Variants in INTS7 observed in about 807,000 individuals in gnomAD.
The protein encoded by INTS7 is integrator complex subunit 7.
Under a neutral mutation model 109.2 loss-of-function variants are expected in INTS7, and 46 were observed. The ratio of observed to expected loss-of-function variants is 0.42; its 90% CI spans 0.33 to 0.54. INTS7 has a LOEUF of 0.54. Among genes scored for constraint, INTS7 ranks in the 20% least tolerant of loss-of-function variants. INTS7 has a pLI of 0.07. For synonymous variants in INTS7, 412 were observed against 402.9 expected (o/e 1.02, Z -0.27); for missense variants, 929 against 1,132.4 (o/e 0.82, Z 2.58).
At chr1:212,017,344 T>C (rs1033244997) in intron 3 of INTS7, among the ~76,000 whole-genome samples, 3 of 152,246 alleles carry the variant, frequency 2.0e-5, no homozygotes, top group African/African-American at 4.8e-5. Flanking sequence ...TTTTCCAATG[T>C]TGCATAAAGA....
intron 10 of INTS7, among the ~76,000 whole-genome samples, chr1:211,980,197 T>A (rs1265671733): frequency 1.3e-5 from 2 of 152,206 alleles, no homozygotes; most frequent in African/African-American, 2.4e-5. Context: ...TACTTCTTAT[T>A]AGCTGTCACT....
At chr1:211,996,663 A>T (rs1665405273) in intron 7 of INTS7, among the ~76,000 whole-genome samples, 2 of 152,240 alleles carry the variant, frequency 1.3e-5, no homozygotes, top group Admixed American at 1.3e-4. Context: ...TTACAGTAGC[A>T]TTAAGACCAT....
intron 1 of INTS7, among the ~76,000 whole-genome samples, chr1:212,021,993 G>A (rs1383438764): frequency 6.6e-6 from 1 of 152,118 alleles, no homozygotes; most frequent in African/African-American, 2.4e-5. Flanking sequence ...TAACATTGAA[G>A]GTTTATATCA....
chr1:211,966,431 T>C lies in INTS7; in HGVS notation c.2182A>G (p.Ser728Gly), dbSNP rs1434108021. 1 of 1,547,078 alleles carries C rather than the reference T, an allele frequency of 6.5e-7. No homozygotes were observed. Among genetic ancestry groups the C allele is most frequent in the Non-Finnish European group, 8.9e-7 (1 of 1,119,872 alleles). The change falls in exon 16 of 20, where the codon AGT (serine) becomes GGT (glycine). Residue 728 changes from serine (S) to glycine (G), a missense_variant and splice_region_variant. This residue lies in a region of INTS7 where 787 missense variants were observed against 901.1 expected (regional missense o/e 0.87). Coordinates refer to ENST00000366994, the MANE Select transcript of INTS7 (RefSeq NM_015434.4). ...EALILDPESA[S>G]FQEYGSTGTA... ...AACTATTATTAATATTAGAATTACCTTGCTGATTCTGGATCCAAAATCAGG... is the reference window on the plus strand; with the variant it reads ...AACTATTATTAATATTAGAATTACCCTGCTGATTCTGGATCCAAAATCAGG...
intron 12 of INTS7, 27 bp from the exon 13 acceptor site, chr1:211,975,399 A>G: frequency 6.4e-7 from 1 of 1,563,806 alleles, no homozygotes; most frequent in Non-Finnish European, 8.8e-7. Flanking sequence ...AAAAGAAAAA[A>G]GAATAGAAGG....
At chr1:211,969,644 T>C (rs1160825422) in intron 13 of INTS7, among the ~76,000 whole-genome samples, 1 of 148,182 alleles carries the variant, frequency 6.7e-6, no homozygotes, top group East Asian at 2.0e-4. Context: ...CAGCCTCAAC[T>C]TCCTGGGCTC....
rs182874501 is a variant in INTS7, at chr1:211,952,447, T to C, written c.2316+122A>G. On this transcript the variant is annotated intron_variant, in intron 17 of 19. Transcript: ENST00000366994. ...TGCTGTGAGGTAGGTATTAACCCTG[T>C]TTTATGGATAAGGAAACAGGCACAG... 187 of 982,758 alleles carry C rather than the reference T, an allele frequency of 1.9e-4. No individual in the cohort carries two copies. The African/African-American group carries it at 2.9e-3, about 15-fold the overall frequency. The allele number at this position is 982,758 out of a possible 1,614,324, so 60.9% of individuals were successfully genotyped here.
chr1:212,011,459 A>G (rs752525437), intron 4 of INTS7, 38 bp from the exon 5 acceptor site: 4 of 1,277,938 alleles, frequency 3.1e-6, no homozygotes, highest in African/African-American at 1.5e-5. Flanking sequence ...AAAAACTTAC[A>G]TTTGCTTATA....
intron 7 of INTS7, among the ~76,000 whole-genome samples, chr1:212,001,544 G>A (rs1665671825): frequency 6.6e-6 from 1 of 152,168 alleles, no homozygotes; most frequent in East Asian, 1.9e-4. Flanking sequence ...ATCTAGAGAA[G>A]GGTTGGTCCT....
At chr1:212,035,304 C>T (rs779740605) in intron 1 of INTS7, 40 bp downstream of exon 1, 2 of 1,368,046 alleles carry the variant, frequency 1.5e-6, no homozygotes, top group African/African-American at 2.8e-5. Context: ...CCACTTCCCC[C>T]CACGCCTGTT....
At chr1:211,996,636 A>G (rs1247545278) in intron 7 of INTS7, among the ~76,000 whole-genome samples, 1 of 152,190 alleles carries the variant, frequency 6.6e-6, no homozygotes, top group African/African-American at 2.4e-5. Flanking sequence ...GCTCTCATGG[A>G]TATTAAAAAA....
intron 7 of INTS7, among the ~76,000 whole-genome samples, chr1:211,991,758 A>G (rs1054982794): frequency 2.6e-5 from 4 of 152,258 alleles, no homozygotes; most frequent in African/African-American, 9.6e-5. Flanking sequence ...AAGAAAGGCC[A>G]TAAGAATGAC....
intron 13 of INTS7, among the ~76,000 whole-genome samples, chr1:211,971,713 C>T (rs1279855899): frequency 5.3e-5 from 8 of 151,886 alleles, no homozygotes; most frequent in Non-Finnish European, 8.8e-5. Flanking sequence ...GTCAGGAGTT[C>T]GAGACCAGTC....
In INTS7 at chr1:211,959,310, G is replaced by A. The variant is rs946754307; in HGVS notation, c.2184-6609C>T. Among the ~76,000 whole-genome samples the A allele has an allele frequency of 1.3e-5, 2 of 152,170 alleles. No homozygotes were observed. Among genetic ancestry groups the A allele is most frequent in the African/African-American group, 2.4e-5 (1 of 41,444 alleles). On this transcript the variant is annotated intron_variant, in intron 16 of 19. Transcript: ENST00000366994. This position sits in a 1 kb window ranked among gnomAD's most constrained non-coding sequence, Gnocchi z 4.2. ...CTCAAGCCTACAGAGCAGTCTTGACGATCAGATGGGGCCAGTCCATCTGGC... is the reference window on the plus strand; with the variant it reads ...CTCAAGCCTACAGAGCAGTCTTGACAATCAGATGGGGCCAGTCCATCTGGC...
Position 211,940,939 on chromosome 1 carries a change from G to T in INTS7, c.*885C>A, listed in dbSNP as rs1662600101. 6.6e-6 allele frequency: 1 copy of T among 152,082 alleles called. No homozygotes were observed. Among genetic ancestry groups the T allele is most frequent in the Non-Finnish European group, 1.5e-5 (1 of 68,036 alleles). The allele number at this position is 152,082 out of a possible 1,614,324, so 9.4% of individuals were successfully genotyped here. On this transcript the variant is annotated 3_prime_UTR_variant, in exon 20 of 20. Coordinates refer to ENST00000366994, the MANE Select transcript of INTS7 (RefSeq NM_015434.4). Reference sequence around the variant, plus strand: ...TTAATTTTCTATGAAATTGCTAGCTGCTCTTTGTTTCAATTAAATATGAAA... The same window carrying T: ...TTAATTTTCTATGAAATTGCTAGCTTCTCTTTGTTTCAATTAAATATGAAA...
rs545576851 is a variant in INTS7 at position 212,007,474 on chromosome 1, G to A, written c.557-25C>T. The A allele has an allele frequency of 4.5e-6, 7 of 1,558,808 alleles. No homozygotes were observed. In the East Asian group the frequency reaches 1.3e-4, roughly 30 times the overall value. On this transcript the variant is annotated intron_variant, in intron 5 of 19. Transcript: ENST00000366994. ...CCTAGACACAAAAATAATTCTCAAGGTATTTGTGATCACCATCCTTAATAA... is the reference window on the plus strand; with the variant it reads ...CCTAGACACAAAAATAATTCTCAAGATATTTGTGATCACCATCCTTAATAA...
In INTS7 at chr1:211,959,900, G is replaced by A. The variant is rs1432020352; in HGVS notation, c.2183+6530C>T. Among the ~76,000 whole-genome samples the A allele has an allele frequency of 3.3e-5, 5 of 152,224 alleles. No individual in the cohort carries two copies. The highest frequency in any genetic ancestry group is 2.9e-5 in the Non-Finnish European group (2 of 68,040). On this transcript the variant is annotated intron_variant, in intron 16 of 19. Coordinates refer to ENST00000366994, the MANE Select transcript of INTS7 (RefSeq NM_015434.4). The surrounding 1 kb of genome is among the most constrained non-coding windows in gnomAD (Gnocchi z 4.2). ...GCGCTGCCTCTGCTGCTGCTGTGAAGGCCCACACAAAGGCCGGCATCCCAG... is the reference window on the plus strand; with the variant it reads ...GCGCTGCCTCTGCTGCTGCTGTGAAAGCCCACACAAAGGCCGGCATCCCAG...
rs1054024221 is a variant in INTS7, at chr1:212,006,834, G to T, written c.757-73C>A. 9 of 1,283,542 alleles carry T rather than the reference G, an allele frequency of 7.0e-6. No individual in the cohort carries two copies. The African/African-American group carries it at 8.9e-5, about 13-fold the overall frequency. 79.5% of individuals were successfully genotyped at this position (1,283,542 alleles called of 1,614,324 possible). ...ATCATTAGAAATGCAGTGTAGTTTA[G>T]TGAAACTTATAAAGGGACAGGACTC... On this transcript the variant is annotated intron_variant, in intron 6 of 19. Transcript: ENST00000366994.
chr1:211,987,045 C>A (rs563675162), intron 8 of INTS7, among the ~76,000 whole-genome samples: 2 of 152,186 alleles, frequency 1.3e-5, no homozygotes, highest in African/African-American at 2.4e-5. Context: ...GCCTGTAACC[C>A]CAGCACTTTG....
Sources: gnomAD v4.1 joint callset for allele counts (sites outside exome capture counted in the v4.1 genomes callset) on GRCh38, gnomAD v4.1.1 for gene constraint, gnomAD v4.1.1 regional missense constraint, Gnocchi (gnomAD v3.1) non-coding constraint, MANE v1.5 for transcripts, NCBI Gene and HGNC (gene_info 2026-07-23, HGNC 2026-07-21) for gene names.